The following NSG2 variants were observed in gnomAD, a reference collection of about 807,000 sequenced individuals.
The protein encoded by NSG2 is neuronal vesicle trafficking associated 2, also known as neuronal vesicle trafficking-associated protein 2.
In NSG2, 4 loss-of-function variants were observed where a neutral mutation model predicts 16.9. The ratio of observed to expected loss-of-function variants is 0.24; its 90% CI spans 0.12 to 0.54. The LOEUF (loss-of-function observed/expected upper bound fraction) is 0.54, where lower values mean the gene tolerates loss of function less well. Ranked by LOEUF, NSG2 falls within the 20% of genes least tolerant of loss-of-function variation. NSG2 has a pLI of 0.95. For missense variants in NSG2, 179 were observed against 221.1 expected, an observed-to-expected ratio of 0.81 and a Z score of 1.21; for synonymous variants, 98 against 88.7, an observed-to-expected ratio of 1.11 and a Z score of -0.59.
At chr5:174,053,240 A>G (rs910948383) in intron 2 of NSG2, among the ~76,000 whole-genome samples, 3 of 152,240 alleles carry the variant, frequency 2.0e-5, no homozygotes, top group African/African-American at 7.2e-5. Context: ...ACAGTTGTCT[A>G]ATGGGCCCAG....
rs796348655 is a variant in NSG2 at position 174,087,627 on chromosome 5, T to TA, written c.214-16591dup. On this transcript the variant is annotated intron_variant, in intron 3 of 4. Transcript: ENST00000303177. ...AGACTCCATCTCTACAAAAAAATAA[T>TA]AAAAAAAAAATAGCTGGGCATAGTG... is the stretch of plus-strand genomic sequence containing the variant. 4.6e-3 allele frequency among the ~76,000 whole-genome samples: 671 copies of TA among 146,530 alleles called. 2 individuals are homozygous for TA. The highest frequency in any genetic ancestry group is 0.014 in the Middle Eastern group (4 of 288).
chr5:174,064,101 G>A (rs747408383), intron 2 of NSG2, 131 bp from the exon 3 acceptor site: 26 of 572,034 alleles, frequency 4.5e-5, no homozygotes, highest in Non-Finnish European at 7.3e-5. Flanking sequence ...TTTCTCTTAC[G>A]TGTGTTTGAA....
intron 3 of NSG2, among the ~76,000 whole-genome samples, chr5:174,076,898 G>A (rs1713752649): frequency 6.6e-6 from 1 of 152,158 alleles, no homozygotes; most frequent in Non-Finnish European, 1.5e-5. Context: ...CCTTGCTCTA[G>A]GATTTACCAG....
chr5:174,077,902 A>T (rs1016918413), intron 3 of NSG2, among the ~76,000 whole-genome samples: 1 of 152,168 alleles, frequency 6.6e-6, no homozygotes, highest in Non-Finnish European at 1.5e-5. Flanking sequence ...AATGCACAAC[A>T]TTCTAACAGT....
chr5:174,079,029 C>A lies in NSG2; in HGVS notation c.213+14714C>A, dbSNP rs113803192. On this transcript the variant is annotated intron_variant, in intron 3 of 4. Transcript: ENST00000303177. ...GCATGAGAGTCTTCAATCTTAAAAA[C>A]CTTGCCAGAGGGTATATACACCTTC... Among the ~76,000 whole-genome samples the A allele has an allele frequency of 4.6e-3, 703 of 152,264 alleles. 5 individuals carry two copies. The highest frequency in any genetic ancestry group is 0.016 in the African/African-American group (670 of 41,524).
At chr5:174,048,077 A>C (rs935962046) in intron 2 of NSG2, among the ~76,000 whole-genome samples, 2 of 152,228 alleles carry the variant, frequency 1.3e-5, no homozygotes, top group African/African-American at 4.8e-5. Flanking sequence ...GAGAACGTGC[A>C]GGGGTGGGGT....
intron 3 of NSG2, among the ~76,000 whole-genome samples, chr5:174,086,001 A>G (rs1230343426): frequency 6.6e-6 from 1 of 152,176 alleles, no homozygotes; most frequent in Non-Finnish European, 1.5e-5. Flanking sequence ...TCTCCTCTAC[A>G]TTCTCAAATC....
At chr5:174,079,580 G>C (rs1760411862) in intron 3 of NSG2, among the ~76,000 whole-genome samples, 1 of 152,130 alleles carries the variant, frequency 6.6e-6, no homozygotes, top group Non-Finnish European at 1.5e-5. Flanking sequence ...TTATCAGTGA[G>C]TTTGAGCTTC....
intron 3 of NSG2, among the ~76,000 whole-genome samples, chr5:174,098,833 G>A (rs12110117): frequency 0.013 from 1,974 of 152,298 alleles, 44 homozygotes; most frequent in African/African-American, 0.045. Flanking sequence ...GGGTGATTCC[G>A]TGGTGAGGAC....
intron 3 of NSG2, among the ~76,000 whole-genome samples, chr5:174,084,492 A>G (rs916189464): frequency 6.6e-6 from 1 of 152,184 alleles, no homozygotes; most frequent in Non-Finnish European, 1.5e-5. Flanking sequence ...GGTGAATGTC[A>G]AACTGGCTTT....
intron 3 of NSG2, among the ~76,000 whole-genome samples, chr5:174,098,390 C>T (rs1760839715): frequency 6.6e-6 from 1 of 152,100 alleles, no homozygotes; most frequent in South Asian, 2.1e-4. Flanking sequence ...GCCTCCAAAG[C>T]CCTAGGGGGC....
intron 3 of NSG2, chr5:174,081,586 C>T (rs542163604): frequency 6.6e-6 from 1 of 152,178 alleles, no homozygotes; most frequent in South Asian, 2.1e-4. Flanking sequence ...TTTGTGCTGT[C>T]TTCATCAGGT....
chr5:174,091,514 G>A (rs1760721067), intron 3 of NSG2, among the ~76,000 whole-genome samples: 1 of 152,210 alleles, frequency 6.6e-6, no homozygotes, highest in African/African-American at 2.4e-5. Flanking sequence ...GGAGCCTGGG[G>A]GGATGGGGGG....
In NSG2 at chr5:174,107,748, T is replaced by C. The variant is rs1464177742; in HGVS notation, c.*243T>C. ...AGTCAGGCTCATGTACAAAGGCATGTTTCGTGTTGATTGTTCCCATGTAAG... is the reference window on the plus strand; with the variant it reads ...AGTCAGGCTCATGTACAAAGGCATGCTTCGTGTTGATTGTTCCCATGTAAG... On this transcript the variant is annotated 3_prime_UTR_variant, in exon 5 of 5. Coordinates refer to ENST00000303177, the MANE Select transcript of NSG2 (RefSeq NM_015980.5). This position sits in a 1 kb window ranked among gnomAD's most constrained non-coding sequence, Gnocchi z 4.5. The C allele has an allele frequency of 4.4e-6, 3 of 679,176 alleles. No individual in the cohort carries two copies. Among genetic ancestry groups the C allele is most frequent in the Non-Finnish European group, 8.1e-6 (3 of 370,024 alleles). 42.1% of individuals were successfully genotyped at this position (679,176 alleles called of 1,614,324 possible).
In NSG2 at chr5:174,100,032, A is replaced by C. The variant is rs188659479; in HGVS notation, c.214-4196A>C. On this transcript the variant is annotated intron_variant, in intron 3 of 4. Transcript: ENST00000303177. Reference sequence around the variant, plus strand: ...TAGGGAATGATTGGCCTTCAGTTGCAGAAGTTACCAAAATTCAGGACAGGG... The same window carrying C: ...TAGGGAATGATTGGCCTTCAGTTGCCGAAGTTACCAAAATTCAGGACAGGG... 2.7e-3 allele frequency among the ~76,000 whole-genome samples: 409 copies of C among 152,342 alleles called. 1 individual carries two copies. The highest frequency in any genetic ancestry group is 9.1e-3 in the African/African-American group (380 of 41,590).
intron 3 of NSG2, among the ~76,000 whole-genome samples, chr5:174,080,021 G>A (rs1760421811): frequency 6.6e-6 from 1 of 152,038 alleles, no homozygotes; most frequent in Admixed American, 6.6e-5. Flanking sequence ...TTTTTGAATG[G>A]CAGTTTGTCA....
chr5:174,091,501 T>C (rs1044585822), intron 3 of NSG2, among the ~76,000 whole-genome samples: 3 of 152,114 alleles, frequency 2.0e-5, no homozygotes, highest in African/African-American at 7.2e-5. Context: ...ACTGATGGCC[T>C]TGGGAGCCTG....
chr5:174,069,524 C>T (rs961176821), intron 3 of NSG2, among the ~76,000 whole-genome samples: 3 of 152,172 alleles, frequency 2.0e-5, no homozygotes, highest in Admixed American at 1.3e-4. Context: ...TGGGAAAAAT[C>T]TCTCCACTCC....
chr5:174,106,086 CT>C (rs1760974973), intron 4 of NSG2, among the ~76,000 whole-genome samples: 3 of 152,104 alleles, frequency 2.0e-5, no homozygotes, highest in Admixed American at 2.0e-4. Context: ...AAGGAAGGTC[CT>C]GCCTATGTGT....
Sources: gnomAD v4.1 joint callset for allele counts (sites outside exome capture counted in the v4.1 genomes callset) on GRCh38, gnomAD v4.1.1 for gene constraint, Gnocchi (gnomAD v3.1) non-coding constraint, MANE v1.5 for transcripts, NCBI Gene and HGNC (gene_info 2026-07-23, HGNC 2026-07-21) for gene names.